Variants in CHRM3 observed in about 807,000 individuals in gnomAD.
CHRM3 encodes muscarinic acetylcholine receptor M3.
CHRM3 carries 11 observed loss-of-function variants against 41.8 expected under a neutral mutation model. The observed-to-expected ratio is 0.26, with a 90% CI of 0.17 to 0.44. The LOEUF (loss-of-function observed/expected upper bound fraction) is 0.44. Ranked by LOEUF, CHRM3 falls within the 20% of genes least tolerant of loss-of-function variation. The pLI is 1.00. For missense variants in CHRM3, 571 were observed against 745.4 expected (o/e 0.77, Z 2.72); for synonymous variants, 297 against 301.4 (o/e 0.99, Z 0.15).
chr1:239,590,405 A>G (rs572571786), intron 3 of CHRM3, among the ~76,000 whole-genome samples: 42 of 152,362 alleles, frequency 2.8e-4, no homozygotes, highest in Non-Finnish European at 5.1e-4. Flanking sequence ...AAATACACAA[A>G]GAAGGATAAT....
chr1:239,810,441 G>A (rs905266504), intron 5 of CHRM3, among the ~76,000 whole-genome samples: 1 of 152,152 alleles, frequency 6.6e-6, no homozygotes, highest in South Asian at 2.1e-4. Flanking sequence ...AGCAAGGGGA[G>A]TGTTACTTCC....
At chr1:239,588,389 G>A (rs1204772337) in intron 3 of CHRM3, among the ~76,000 whole-genome samples, 1 of 152,172 alleles carries the variant, frequency 6.6e-6, no homozygotes, top group African/African-American at 2.4e-5. Flanking sequence ...ACGTAGCACA[G>A]TGTATGGCAT....
chr1:239,722,551 A>T (rs1663073383), intron 5 of CHRM3, among the ~76,000 whole-genome samples: 6 of 151,958 alleles, frequency 3.9e-5, no homozygotes, highest in Admixed American at 3.9e-4. Flanking sequence ...CACATCTCTT[A>T]GTCTTGGTTT....
chr1:239,723,391 T>G (rs944097270), intron 5 of CHRM3, among the ~76,000 whole-genome samples: 2 of 151,966 alleles, frequency 1.3e-5, no homozygotes, highest in Non-Finnish European at 2.9e-5. Flanking sequence ...AGGTTAACAA[T>G]GTATATTATC....
chr1:239,840,704 T>C (rs984781256), intron 6 of CHRM3, among the ~76,000 whole-genome samples: 2 of 152,182 alleles, frequency 1.3e-5, no homozygotes, highest in African/African-American at 4.8e-5. Flanking sequence ...ATGAAATCTT[T>C]AGGGCAATAG....
intron 5 of CHRM3, among the ~76,000 whole-genome samples, chr1:239,789,973 C>A (rs1358449984): frequency 6.6e-6 from 1 of 152,072 alleles, no homozygotes; most frequent in Non-Finnish European, 1.5e-5. Flanking sequence ...ATTTGACTAC[C>A]CCACTGGATT....
chr1:239,514,366 A>C (rs1244843211), intron 2 of CHRM3, among the ~76,000 whole-genome samples: 2 of 151,252 alleles, frequency 1.3e-5, no homozygotes, highest in Non-Finnish European at 3.0e-5. Context: ...CTTATTTCTA[A>C]GTCTGTCATT....
intron 5 of CHRM3, among the ~76,000 whole-genome samples, chr1:239,765,065 A>G: frequency 6.6e-6 from 1 of 152,228 alleles, no homozygotes; most frequent in Middle Eastern, 3.2e-3. Flanking sequence ...GTGAAAATGA[A>G]AGGAGCCTCA....
At chr1:239,637,517 C>CTTTTTT (rs149963225) in intron 4 of CHRM3, among the ~76,000 whole-genome samples, 4 of 48,512 alleles carry the variant, frequency 8.2e-5, no homozygotes, top group Non-Finnish European at 1.4e-4. Flanking sequence ...TCATCAAAGT[C>CTTTTTT]TTTTTTTTTT....
chr1:239,897,490 G>C (rs1036210244), intron 6 of CHRM3, among the ~76,000 whole-genome samples: 3 of 152,170 alleles, frequency 2.0e-5, no homozygotes, highest in African/African-American at 7.2e-5. Flanking sequence ...TATTAGATCA[G>C]CTGGTATTTT....
chr1:239,612,001 C>A (rs1182452722), intron 3 of CHRM3, among the ~76,000 whole-genome samples: 1 of 152,138 alleles, frequency 6.6e-6, no homozygotes, highest in Non-Finnish European at 1.5e-5. Context: ...AAAATAACTG[C>A]TGGATCACAG....
chr1:239,562,602 G>A (rs1423390015), intron 3 of CHRM3, among the ~76,000 whole-genome samples: 5 of 151,748 alleles, frequency 3.3e-5, no homozygotes, highest in Admixed American at 1.3e-4. Flanking sequence ...TATTTTTAAA[G>A]CGTTGGGTCA....
chr1:239,412,436 C>T (rs1174759469), intron 1 of CHRM3, among the ~76,000 whole-genome samples: 3 of 145,384 alleles, frequency 2.1e-5, no homozygotes, highest in African/African-American at 2.6e-5. Flanking sequence ...TGCCGTATAG[C>T]GATAGTCTTG....
chr1:239,582,630 A>G (rs1426343735), intron 3 of CHRM3, among the ~76,000 whole-genome samples: 1 of 152,012 alleles, frequency 6.6e-6, no homozygotes, highest in Non-Finnish European at 1.5e-5. Context: ...CACGTCCCAA[A>G]CTGAACACGG....
chr1:239,819,713 C>T (rs1194105750), intron 5 of CHRM3, among the ~76,000 whole-genome samples: 2 of 152,184 alleles, frequency 1.3e-5, no homozygotes, highest in Non-Finnish European at 2.9e-5. Context: ...TGAGCTTAGA[C>T]ATATGCAGAC....
At chr1:239,891,460 AC>A (rs1678542899) in intron 6 of CHRM3, among the ~76,000 whole-genome samples, 1 of 152,108 alleles carries the variant, frequency 6.6e-6, no homozygotes, top group South Asian at 2.1e-4. Flanking sequence ...AAAGAGTTGC[AC>A]CTTGAGGATG....
chr1:239,497,344 G>A (rs1457651125), intron 2 of CHRM3, among the ~76,000 whole-genome samples: 1 of 152,176 alleles, frequency 6.6e-6, no homozygotes, highest in African/African-American at 2.4e-5. Context: ...AATAATGGCA[G>A]AGGGTGACGG....
intron 5 of CHRM3, among the ~76,000 whole-genome samples, chr1:239,691,656 G>A (rs992506279): frequency 7.2e-5 from 11 of 152,022 alleles, no homozygotes; most frequent in African/African-American, 1.9e-4. Context: ...TTGTTCCTAC[G>A]GAGAAAACAG....
chr1:239,650,936 A>G (rs918267112), intron 4 of CHRM3, among the ~76,000 whole-genome samples: 1 of 152,200 alleles, frequency 6.6e-6, no homozygotes, highest in African/African-American at 2.4e-5. Flanking sequence ...TGCATAAAAT[A>G]TGTGCACATT....
Sources: gnomAD v4.1 joint callset for allele counts (sites outside exome capture counted in the v4.1 genomes callset) on GRCh38, gnomAD v4.1.1 for gene constraint, MANE v1.5 for transcripts, NCBI Gene and HGNC (gene_info 2026-07-23, HGNC 2026-07-21) for gene names.